Variants in SLC35F4 observed in about 807,000 individuals in gnomAD.
SLC35F4 encodes the protein chromosome 14 open reading frame 36.
A neutral mutation model predicts 44.2 loss-of-function variants in SLC35F4; 24 were observed. That is an observed-to-expected ratio of 0.54 (90% confidence interval 0.39 to 0.76). The LOEUF (loss-of-function observed/expected upper bound fraction) is 0.76. SLC35F4 is among the 30% of genes least tolerant of loss of function. The pLI is 0.00. For synonymous variants in SLC35F4, 238 were observed against 223.6 expected (o/e 1.06, Z -0.57); for missense variants, 562 against 586.1 (o/e 0.96, Z 0.42).
chr14:57,619,848 AT>A (rs1423560900), intron 1 of SLC35F4, among the ~76,000 whole-genome samples: 1 of 152,128 alleles, frequency 6.6e-6, no homozygotes, highest in Non-Finnish European at 1.5e-5. Context: ...AAGAACACAT[AT>A]AACCTGATGA....
Position 57,816,911 on chromosome 14 carries a change from T to C in SLC35F4, c.103+48812A>G, listed in dbSNP as rs188832827. Among the ~76,000 whole-genome samples, 7 of 152,300 alleles carry C rather than the reference T, an allele frequency of 4.6e-5. No homozygotes were observed. The East Asian group carries it at 1.4e-3, about 29-fold the overall frequency. On this transcript the variant is annotated intron_variant, in intron 1 of 7. Coordinates refer to ENST00000556826, the MANE Select transcript of SLC35F4 (RefSeq NM_001306087.2). ...TTTGCCTTTCCCTCCTCTGTTTTAT[T>C]CTTTTGAAACTCTCATCCCAGCTCC...
chr14:57,857,677 C>T (rs1179436848), intron 1 of SLC35F4, among the ~76,000 whole-genome samples: 1 of 152,016 alleles, frequency 6.6e-6, no homozygotes, highest in East Asian at 1.9e-4. Context: ...AAGCAAAAAG[C>T]CCAAAATAGT....
intron 1 of SLC35F4, among the ~76,000 whole-genome samples, chr14:57,761,593 T>C (rs1225682419): frequency 6.6e-6 from 1 of 152,200 alleles, no homozygotes; most frequent in African/African-American, 2.4e-5. Flanking sequence ...CTATTTTGTA[T>C]AGGTTTTTAT....
chr14:57,899,983 C>G (rs1054564803), intron 1 of SLC35F4, among the ~76,000 whole-genome samples: 1 of 152,088 alleles, frequency 6.6e-6, no homozygotes, highest in Admixed American at 6.5e-5. Context: ...CTTTTATTCC[C>G]TTATTTGTCC....
intron 1 of SLC35F4, among the ~76,000 whole-genome samples, chr14:57,961,089 C>T (rs966251755): frequency 2.6e-5 from 4 of 152,094 alleles, no homozygotes; most frequent in Non-Finnish European, 4.4e-5. Flanking sequence ...AGTGAGTCAG[C>T]TGCTTCAGCC....
chr14:57,787,858 A>G (rs866181812), intron 1 of SLC35F4, among the ~76,000 whole-genome samples: 3 of 152,300 alleles, frequency 2.0e-5, no homozygotes, highest in Middle Eastern at 3.4e-3. Context: ...GTTAAAAAGC[A>G]AAACAAAAAA....
chr14:57,789,227 G>A (rs1379432537), intron 1 of SLC35F4, among the ~76,000 whole-genome samples: 1 of 151,988 alleles, frequency 6.6e-6, no homozygotes, highest in Admixed American at 6.6e-5. Flanking sequence ...TTTTTGAAAA[G>A]ATTAATGAAA....
chr14:57,791,198 A>G (rs536242115), intron 1 of SLC35F4, among the ~76,000 whole-genome samples: 3 of 152,336 alleles, frequency 2.0e-5, no homozygotes, highest in South Asian at 4.1e-4. Flanking sequence ...TGAACAGGCA[A>G]TCTACAGAAT....
intron 4 of SLC35F4, among the ~76,000 whole-genome samples, chr14:57,575,769 T>G (rs1220540327): frequency 6.6e-6 from 1 of 152,134 alleles, no homozygotes; most frequent in Admixed American, 6.5e-5. Context: ...CTCTCTGCAC[T>G]AATTTTCAGA....
chr14:57,957,377 T>C (rs2141085216), intron 1 of SLC35F4, among the ~76,000 whole-genome samples: 1 of 151,960 alleles, frequency 6.6e-6, no homozygotes, highest in East Asian at 1.9e-4. Flanking sequence ...CTATGGCACG[T>C]GTATAACTAG....
At chr14:57,645,658 T>C (rs1376890104) in intron 1 of SLC35F4, among the ~76,000 whole-genome samples, 1 of 151,250 alleles carries the variant, frequency 6.6e-6, no homozygotes, top group Admixed American at 6.6e-5. Flanking sequence ...TCCAACACTA[T>C]GTTGAATAGG....
chr14:57,785,484 T>C (rs1002919383), intron 1 of SLC35F4, among the ~76,000 whole-genome samples: 9 of 152,178 alleles, frequency 5.9e-5, no homozygotes, highest in Non-Finnish European at 1.3e-4. Context: ...TTGTGAATTT[T>C]AGCTCCAGAT....
chr14:57,962,454 G>A (rs1422219714), intron 1 of SLC35F4, among the ~76,000 whole-genome samples: 1 of 152,106 alleles, frequency 6.6e-6, no homozygotes, highest in Non-Finnish European at 1.5e-5. Flanking sequence ...CAGATTCTCG[G>A]CCCTGCCTCA....
At chr14:57,890,780 A>G (rs1329869665) in intron 1 of SLC35F4, among the ~76,000 whole-genome samples, 4 of 152,242 alleles carry the variant, frequency 2.6e-5, no homozygotes, top group African/African-American at 9.6e-5. Context: ...ACTGAGGGAA[A>G]GGGGACTGCT....
intron 1 of SLC35F4, among the ~76,000 whole-genome samples, chr14:57,817,013 G>C (rs1882678033): frequency 6.6e-6 from 1 of 152,160 alleles, no homozygotes; most frequent in African/African-American, 2.4e-5. Context: ...CACAAGCTAA[G>C]AGAGTTGCTA....
At chr14:57,680,879 C>T (rs910238851) in intron 1 of SLC35F4, among the ~76,000 whole-genome samples, 6 of 152,048 alleles carry the variant, frequency 3.9e-5, no homozygotes, top group Admixed American at 2.6e-4. Flanking sequence ...AGGACACAAA[C>T]AAATGGAAAA....
Position 57,872,338 on chromosome 14 carries a change from C to CT in SLC35F4, n.282+109574dup, listed in dbSNP as rs200486963. Among the ~76,000 whole-genome samples the CT allele has an allele frequency of 3.1e-3, 453 of 145,292 alleles. 1 individual carries two copies. Among genetic ancestry groups the CT allele is most frequent in the African/African-American group, 9.0e-3 (359 of 39,724 alleles). On this transcript the variant is annotated intron_variant and non_coding_transcript_variant, in intron 1 of 1. Coordinates refer to the SLC35F4 transcript ENST00000556568. Reference sequence around the variant, plus strand: ...AGAGGTACCAAAGTGGACATTCATCCTTTTTTTTTTTTAGTACCCAGCTGA... The same window carrying CT: ...AGAGGTACCAAAGTGGACATTCATCCTTTTTTTTTTTTTAGTACCCAGCTGA...
At chr14:57,616,013 T>C (rs1222080608) in intron 1 of SLC35F4, among the ~76,000 whole-genome samples, 1 of 152,246 alleles carries the variant, frequency 6.6e-6, no homozygotes, top group African/African-American at 2.4e-5. Flanking sequence ...CTACCATTTC[T>C]TTATATCAAG....
chr14:57,859,928 G>C (rs905108995), intron 1 of SLC35F4, among the ~76,000 whole-genome samples: 10 of 152,180 alleles, frequency 6.6e-5, no homozygotes, highest in Non-Finnish European at 1.5e-4. Context: ...GATGATTTTG[G>C]TTTTATGTGT....
Sources: allele counts gnomAD v4.1 joint callset (sites outside exome capture counted in the v4.1 genomes callset), GRCh38; gene constraint gnomAD v4.1.1; transcripts MANE v1.5; gene names NCBI Gene and HGNC (gene_info 2026-07-23, HGNC 2026-07-21).